The following ANKRD11 variants were observed in gnomAD, a reference collection of about 807,000 sequenced individuals.
ANKRD11 encodes ankyrin repeat domain-containing protein 11.
A neutral mutation model predicts 195.7 loss-of-function variants in ANKRD11; 17 were observed. That is an observed-to-expected ratio of 0.09 (90% confidence interval 0.06 to 0.13). ANKRD11 has a LOEUF of 0.13. Ranked by LOEUF, ANKRD11 falls within the 10% of genes least tolerant of loss-of-function variation. The pLI is 1.00. For synonymous variants in ANKRD11, 1,953 were observed against 1,528.1 expected, an observed-to-expected ratio of 1.28 and a Z score of -6.49; for missense variants, 3,735 against 3,566.1, an observed-to-expected ratio of 1.05 and a Z score of -1.21.
chr16:89,278,716 G>A (rs1258587937), intron 9 of ANKRD11: 2 of 497,638 alleles, frequency 4.0e-6, no homozygotes, highest in Admixed American at 4.6e-5. Flanking sequence ...AGACACAGGG[G>A]GTGGCTCTCG....
chr16:89,397,427 G>A (rs1455494751), intron 2 of ANKRD11, among the ~76,000 whole-genome samples: 1 of 152,242 alleles, frequency 6.6e-6, no homozygotes, highest in Non-Finnish European at 1.5e-5. Flanking sequence ...TGGACTCCCA[G>A]CGCCGTACCA....
At chr16:89,470,987 T>C (rs1364349142) in intron 1 of ANKRD11, among the ~76,000 whole-genome samples, 4 of 151,778 alleles carry the variant, frequency 2.6e-5, no homozygotes, top group Admixed American at 6.6e-5. Flanking sequence ...AGCGAGACTC[T>C]GTCTCAGAAA....
At chr16:89,292,131 G>A (rs541868744) in intron 4 of ANKRD11, among the ~76,000 whole-genome samples, 14 of 152,258 alleles carry the variant, frequency 9.2e-5, no homozygotes, top group African/African-American at 2.2e-4. Flanking sequence ...GAGGTGCAGC[G>A]CAGAGGCAAG....
chr16:89,389,371 T>C (rs1216666029), intron 2 of ANKRD11, among the ~76,000 whole-genome samples: 1 of 151,832 alleles, frequency 6.6e-6, no homozygotes, highest in Non-Finnish European at 1.5e-5. Flanking sequence ...AAAAAGTATA[T>C]TGAAAAAAAT....
rs369563044 is a variant in ANKRD11 at position 89,384,045 on chromosome 16, C to A, written c.-60+34239G>T. On this transcript the variant is annotated intron_variant, in intron 2 of 12. Transcript: ENST00000301030. ...GACCAGCCTGGCCAACATGGCAAAA[C>A]CCTGTCTCTATTAAAAACACAAAAA... Among the ~76,000 whole-genome samples, 11 of 152,288 alleles carry A rather than the reference C, an allele frequency of 7.2e-5. No individual in the cohort carries two copies. The East Asian group carries it at 2.1e-3, about 29-fold the overall frequency.
intron 1 of ANKRD11, among the ~76,000 whole-genome samples, chr16:89,426,022 T>C (rs968736088): frequency 1.3e-5 from 2 of 152,144 alleles, no homozygotes; most frequent in African/African-American, 2.4e-5. Flanking sequence ...CTTTCCATAA[T>C]GCCTGCCCTG....
chr16:89,479,241 T>C (rs1268520454), intron 1 of ANKRD11, among the ~76,000 whole-genome samples: 1 of 151,658 alleles, frequency 6.6e-6, no homozygotes, highest in African/African-American at 2.4e-5. Context: ...CCAGACGCAG[T>C]GGCGAGACTC....
rs186013819 is a variant in ANKRD11 at position 89,302,163 on chromosome 16, G to C, written c.226+3043C>G. 4.9e-3 allele frequency among the ~76,000 whole-genome samples: 741 copies of C among 152,366 alleles called. 12 individuals carry two copies. The highest frequency in any genetic ancestry group is 0.017 in the African/African-American group (703 of 41,592). Reference sequence around the variant, plus strand: ...TTTCTGAGCAAGAACGGCTCCTCTGGGGGAAGGAGGGGACGCGGCGTGTGT... The same window carrying C: ...TTTCTGAGCAAGAACGGCTCCTCTGCGGGAAGGAGGGGACGCGGCGTGTGT... On this transcript the variant is annotated intron_variant, in intron 4 of 12. Transcript: ENST00000301030.
chr16:89,373,337 G>T (rs1196469528), intron 2 of ANKRD11: 1 of 152,280 alleles, frequency 6.6e-6, no homozygotes, highest in Non-Finnish European at 1.5e-5. Flanking sequence ...CCCCTGGCTA[G>T]AATAACCCAC....
chr16:89,431,603 C>T (rs1489883683), intron 1 of ANKRD11, among the ~76,000 whole-genome samples: 1 of 152,178 alleles, frequency 6.6e-6, no homozygotes, highest in Admixed American at 6.5e-5. Context: ...CTCTTGTGAA[C>T]TTTGTTTCCA....
At chr16:89,419,561 C>A (rs1389533728) in intron 1 of ANKRD11, among the ~76,000 whole-genome samples, 1 of 152,078 alleles carries the variant, frequency 6.6e-6, no homozygotes, top group Non-Finnish European at 1.5e-5. Context: ...AAAATCTATA[C>A]CCATGTTACT....
At chr16:89,322,401 C>A (rs1236672087) in intron 2 of ANKRD11, among the ~76,000 whole-genome samples, 2 of 152,236 alleles carry the variant, frequency 1.3e-5, no homozygotes, top group African/African-American at 2.4e-5. Flanking sequence ...CTCCACCAAC[C>A]ACTAGTTTGT....
intron 1 of ANKRD11, among the ~76,000 whole-genome samples, chr16:89,487,456 C>A (rs977337759): frequency 1.3e-5 from 2 of 152,150 alleles, no homozygotes; most frequent in East Asian, 3.9e-4. Flanking sequence ...GAAGCATAAC[C>A]TTTCTATGTC....
At chr16:89,469,323 G>C (rs941590646) in intron 1 of ANKRD11, among the ~76,000 whole-genome samples, 1 of 152,104 alleles carries the variant, frequency 6.6e-6, no homozygotes, top group Non-Finnish European at 1.5e-5. Context: ...CCAGGTTCAA[G>C]AGATTCTCCA....
At chr16:89,469,266 G>C (rs2056989011) in intron 1 of ANKRD11, among the ~76,000 whole-genome samples, 1 of 151,960 alleles carries the variant, frequency 6.6e-6, no homozygotes, top group Admixed American at 6.6e-5. Flanking sequence ...CTGTCGCCCA[G>C]GCTAGAGTGC....
At chr16:89,394,209 CACG>C (rs895482934) in intron 2 of ANKRD11, among the ~76,000 whole-genome samples, 31 of 152,330 alleles carry the variant, frequency 2.0e-4, no homozygotes, top group African/African-American at 7.5e-4. Context: ...TGCTTCCCTC[CACG>C]ACATGGGCAC....
In ANKRD11 at chr16:89,341,781, G is replaced by A. The variant is rs558206358; in HGVS notation, c.-59-24703C>T. On this transcript the variant is annotated intron_variant, in intron 2 of 12. Transcript: ENST00000301030. ...CACAAACGTGCACAAACAAAAAGTG[G>A]CCAAGAGATGGCAGAGTCTGGCACG... 1.1e-4 allele frequency among the ~76,000 whole-genome samples: 16 copies of A among 152,374 alleles called. No homozygotes were observed. The East Asian group carries it at 2.9e-3, about 28-fold the overall frequency.
chr16:89,406,503 T>C lies in ANKRD11; in HGVS notation c.-60+11781A>G, dbSNP rs548491977. Among the ~76,000 whole-genome samples the C allele has an allele frequency of 3.3e-5, 5 of 152,160 alleles. No homozygotes were observed. The East Asian group carries it at 7.7e-4, about 23-fold the overall frequency. ...GCACCGTGACAAGACAACATGTTCG[T>C]TGGCCATGCCCGGTGTCAGCACGCA... On this transcript the variant is annotated intron_variant, in intron 2 of 12. Transcript: ENST00000301030.
chr16:89,398,028 CTA>C (rs1479371097), intron 2 of ANKRD11, among the ~76,000 whole-genome samples: 1 of 152,236 alleles, frequency 6.6e-6, no homozygotes. Flanking sequence ...GTAGCACTGT[CTA>C]TGTGAATAAA....
Sources: allele counts gnomAD v4.1 joint callset (sites outside exome capture counted in the v4.1 genomes callset), GRCh38; gene constraint gnomAD v4.1.1; transcripts MANE v1.5; gene names NCBI Gene and HGNC (gene_info 2026-07-23, HGNC 2026-07-21).